The following CYB561A3 variants were observed in gnomAD, a reference collection of about 807,000 sequenced individuals.
CYB561A3 encodes the protein lysosomal membrane ascorbate-dependent ferrireductase CYB561A3.
CYB561A3 carries 16 observed loss-of-function variants against 25.3 expected under a neutral mutation model. The observed-to-expected ratio is 0.63, with a 90% CI of 0.43 to 0.96. CYB561A3 has a LOEUF of 0.96. Ranked by LOEUF, CYB561A3 falls within the 40% of genes least tolerant of loss-of-function variation. The pLI, the probability that CYB561A3 is intolerant of heterozygous loss-of-function variation, is 0.00. For synonymous variants in CYB561A3, 131 were observed against 129.9 expected, an observed-to-expected ratio of 1.01 and a Z score of -0.06; for missense variants, 219 against 307.5, an observed-to-expected ratio of 0.71 and a Z score of 2.15.
chr11:61,356,814 G>A, intron 2 of CYB561A3, 86 bp from the exon 3 acceptor site: 1 of 1,530,342 alleles, frequency 6.5e-7, no homozygotes, highest in Non-Finnish European at 8.8e-7. Context: ...TTTAGCTCTT[G>A]GCCTGTGGGA....
At chr11:61,353,718 C>G in intron 4 of CYB561A3, 66 bp downstream of exon 4, 1 of 1,526,366 alleles carries the variant, frequency 6.6e-7, no homozygotes, top group South Asian at 1.1e-5. Flanking sequence ...GGTGCTCATG[C>G]AAGTGAACCC....
chr11:61,350,525 C>T (rs986373386), intron 6 of CYB561A3, 103 bp from the exon 7 acceptor site: 7 of 1,438,380 alleles, frequency 4.9e-6, no homozygotes, highest in Non-Finnish European at 6.7e-6. Context: ...TGGTCCCCAT[C>T]CAAGCCACCA....
At chr11:61,353,569 C>T (rs777511217) in intron 4 of CYB561A3, 16 of 712,642 alleles carry the variant, frequency 2.2e-5, no homozygotes, top group African/African-American at 1.4e-4. Flanking sequence ...GGCTCTGGGA[C>T]GAGAGACGGG....
chr11:61,354,258 A>C (rs1488923829), intron 3 of CYB561A3: 1 of 495,376 alleles, frequency 2.0e-6, no homozygotes, highest in Admixed American at 3.3e-5. Flanking sequence ...TTGGGAGGCC[A>C]AGGTGGGAGG....
chr11:61,354,104 G>A (rs949506574), intron 3 of CYB561A3, 112 bp from the exon 4 acceptor site: 2 of 1,125,380 alleles, frequency 1.8e-6, no homozygotes, highest in Non-Finnish European at 2.6e-6. Context: ...AACAGGAAAT[G>A]CTAGGGCACT....
At position 61,350,119 on chromosome 11, in the gene CYB561A3, G is replaced by A. The variant is rs1016189842; in HGVS notation, c.*280C>T. 35 of 576,414 alleles carry A rather than the reference G, an allele frequency of 6.1e-5. No homozygotes were observed. Among genetic ancestry groups the A allele is most frequent in the African/African-American group, 6.0e-4 (32 of 53,386 alleles). 35.7% of individuals were successfully genotyped at this position (576,414 alleles called of 1,614,324 possible). On this transcript the variant is annotated 3_prime_UTR_variant, in exon 7 of 7. Coordinates refer to ENST00000294072, the MANE Select transcript of CYB561A3 (RefSeq NM_153611.6). ...AAAGCAGACAGGCAGCAAGCAGCCA[G>A]AGAAGGCAGGCCCAGCACCCAGGCA...
intron 5 of CYB561A3, 32 bp downstream of exon 5, chr11:61,352,953 C>T (rs1857483838): frequency 6.2e-7 from 1 of 1,614,012 alleles, no homozygotes; most frequent in Admixed American, 1.7e-5. Flanking sequence ...CCCTCCTCTT[C>T]ACCTTAGAGT....
intron 2 of CYB561A3, chr11:61,357,170 A>G: frequency 6.4e-7 from 1 of 1,551,150 alleles, no homozygotes; most frequent in Non-Finnish European, 8.7e-7. Flanking sequence ...GGCAAAAATT[A>G]CAGTCTGAAA....
chr11:61,350,941 C>A (rs774288508), intron 6 of CYB561A3, 50 bp downstream of exon 6: 1 of 1,571,998 alleles, frequency 6.4e-7, no homozygotes, highest in African/African-American at 1.4e-5. Context: ...GGAGATCCTT[C>A]TCTAGACCTG....
upstream of CYB561A3, chr11:61,362,079 T>C (rs1447902981): frequency 5.9e-5 from 9 of 152,304 alleles, no homozygotes; most frequent in Admixed American, 3.3e-4. Context: ...CTGCGATGCA[T>C]CAGCCCCGCC....
intron 1 of CYB561A3, chr11:61,359,629 C>CT (rs1264752049): frequency 6.6e-6 from 1 of 152,214 alleles, no homozygotes; most frequent in African/African-American, 2.4e-5. Flanking sequence ...CCTGGGCACA[C>CT]TTTCCTGACA....
Position 61,351,157 on chromosome 11 carries a change from A to T in CYB561A3, c.549-10T>A, listed in dbSNP as rs779104111. ...CCTGGTGGTGTTTTTCCTGAAGATGACAAAACAATGTGAGCCCTCGAGAGA... is the reference window on the plus strand; with the variant it reads ...CCTGGTGGTGTTTTTCCTGAAGATGTCAAAACAATGTGAGCCCTCGAGAGA... On this transcript the variant is annotated splice_polypyrimidine_tract_variant and intron_variant, in intron 5 of 6. Transcript: ENST00000294072. 1 of 1,605,966 alleles carries T rather than the reference A, an allele frequency of 6.2e-7. No individual in the cohort carries two copies. The highest frequency in any genetic ancestry group is 1.7e-5 in the Admixed American group (1 of 58,548).
rs955961394 is a variant in CYB561A3 at position 61,350,240 on chromosome 11, G to A, written c.*159C>T. 1.9e-5 allele frequency: 17 copies of A among 906,550 alleles called. No individual in the cohort carries two copies. The highest frequency in any genetic ancestry group is 8.1e-5 in the Admixed American group (3 of 36,960). The allele number at this position is 906,550 out of a possible 1,614,324, so 56.2% of individuals were successfully genotyped here. On this transcript the variant is annotated 3_prime_UTR_variant, in exon 7 of 7. Transcript: ENST00000294072. ...CAAGGAAAGCAGACAGGCAGCAAGCGGCCGGAGAGGGCAGGCCAGCACCCA... is the reference window on the plus strand; with the variant it reads ...CAAGGAAAGCAGACAGGCAGCAAGCAGCCGGAGAGGGCAGGCCAGCACCCA...
intron 4 of CYB561A3, chr11:61,353,404 G>A: frequency 5.0e-6 from 3 of 605,374 alleles, no homozygotes; most frequent in Admixed American, 2.6e-5. Context: ...TCCAGTCCTT[G>A]CTCATAAAAC....
chr11:61,361,882 C>G lies in CYB561A3; in HGVS notation c.-261G>C, dbSNP rs1194718658. ...GCCGGCTGGCAATGCCGCCCCAGAG[C>G]AGAGCGGCGGGTGCCGCCTCGCCTT... On this transcript the variant is annotated 5_prime_UTR_variant, in exon 1 of 7. Coordinates refer to ENST00000294072, the MANE Select transcript of CYB561A3 (RefSeq NM_153611.6). 1 of 152,344 alleles carries G rather than the reference C, an allele frequency of 6.6e-6. No homozygotes were observed. Among genetic ancestry groups the G allele is most frequent in the African/African-American group, 2.4e-5 (1 of 41,482 alleles). The allele number at this position is 152,344 out of a possible 1,614,324, so 9.4% of individuals were successfully genotyped here. A position where few individuals can be genotyped will look rare whatever the true frequency, so the allele number is the denominator to read the frequency against.
At chr11:61,356,376 T>G in intron 3 of CYB561A3, 154 bp downstream of exon 3, 1 of 918,078 alleles carries the variant, frequency 1.1e-6, no homozygotes, top group Non-Finnish European at 1.5e-6. Flanking sequence ...AACCCCTTCC[T>G]CCCCCAAATG....
chr11:61,352,394 G>C (rs1374052777), intron 5 of CYB561A3: 1 of 154,450 alleles, frequency 6.5e-6, no homozygotes, highest in Admixed American at 6.3e-5. Flanking sequence ...GGGTGCAGTG[G>C]CTCATGCCTG....
intron 2 of CYB561A3, 67 bp from the exon 3 acceptor site, chr11:61,356,795 T>C (rs1857670458): frequency 6.4e-7 from 1 of 1,566,956 alleles, no homozygotes; most frequent in Non-Finnish European, 8.7e-7. Flanking sequence ...CTAAAGGAGG[T>C]AACACTGATT....
At chr11:61,351,803 A>G (rs1170322254) in intron 5 of CYB561A3, 1 of 152,208 alleles carries the variant, frequency 6.6e-6, no homozygotes, top group Non-Finnish European at 1.5e-5. Flanking sequence ...GTCCTAGCTT[A>G]CTTAGGAGGC....
Sources: allele counts gnomAD v4.1 joint callset, GRCh38; gene constraint gnomAD v4.1.1; transcripts MANE v1.5; gene names NCBI Gene and HGNC (gene_info 2026-07-23, HGNC 2026-07-21).